The following ATP2B3 variants were observed in gnomAD, a reference collection of about 807,000 sequenced individuals.
The protein encoded by ATP2B3 is ATPase plasma membrane Ca2+ transporting 3, also known as plasma membrane calcium-transporting ATPase 3.
In ATP2B3, 12 loss-of-function variants were observed where a neutral mutation model predicts 70.8. That is an observed-to-expected ratio of 0.17 (90% CI 0.11 to 0.27). ATP2B3 has a LOEUF of 0.27. ATP2B3 is among the 10% of genes least tolerant of loss of function. The pLI, the probability that ATP2B3 is intolerant of heterozygous loss-of-function variation, is 1.00. For missense variants in ATP2B3, 858 were observed against 1,118.5 expected (o/e 0.77, Z 3.32); for synonymous variants, 460 against 497.8 (o/e 0.92, Z 1.01).
intron 8 of ATP2B3, among the ~76,000 whole-genome samples, chrX:153,547,396 G>C (rs1468783842): frequency 9.0e-6 from 1 of 111,394 alleles, no homozygotes; most frequent in African/African-American, 3.3e-5. Context: ...TGGCTGGTGG[G>C]AGGAGAGTGC....
intron 1 of ATP2B3, among the ~76,000 whole-genome samples, chrX:153,518,105 C>G (rs1339595371): frequency 8.9e-6 from 1 of 111,998 alleles, no homozygotes; most frequent in Non-Finnish European, 1.9e-5. Flanking sequence ...CGCCCCGCAC[C>G]CTGCACCCTG....
At chrX:153,539,704 C>T (rs1354359284) in intron 3 of ATP2B3, among the ~76,000 whole-genome samples, 1 of 113,103 alleles carries the variant, frequency 8.8e-6, no homozygotes, top group African/African-American at 3.2e-5. Flanking sequence ...CGCGACAGCA[C>T]TGGGCGCCGG....
At chrX:153,529,250 G>A (rs2090078167) in intron 2 of ATP2B3, among the ~76,000 whole-genome samples, 1 of 112,072 alleles carries the variant, frequency 8.9e-6, no homozygotes, top group Non-Finnish European at 1.9e-5. Context: ...CTGCTCCTGT[G>A]CCACCAAATA....
rs782313515 is a variant in ATP2B3 at position 153,569,733 on chromosome X, C to T, written c.3342+4630C>T. On this transcript the variant is annotated intron_variant, in intron 21 of 21. Coordinates refer to ENST00000263519, the MANE Select transcript of ATP2B3 (RefSeq NM_001001344.3). ...CCTACTCACGCAATTCTCTCTGCTG[C>T]CAATCCTACCAGTGCTGCTGGGAGT... 4.1e-6 allele frequency: 5 copies of T among 1,209,307 alleles called. No homozygotes were observed. In the African/African-American group the frequency reaches 8.8e-5, roughly 21 times the overall value.
Position 153,551,395 on chromosome X carries a change from G to T in ATP2B3, c.1823+1109G>T, listed in dbSNP as rs369080289. Reference sequence around the variant, plus strand: ...GGGGAAATGTCTGTCCTAGCCCTTTGCTCATTGCTGAGTTGGGTTGTTTGT... The same window carrying T: ...GGGGAAATGTCTGTCCTAGCCCTTTTCTCATTGCTGAGTTGGGTTGTTTGT... On this transcript the variant is annotated intron_variant, in intron 12 of 21. Transcript: ENST00000263519. Among the ~76,000 whole-genome samples, 39 of 112,077 alleles carry T rather than the reference G, an allele frequency of 3.5e-4. No homozygotes were observed. In the South Asian group the frequency reaches 0.013, roughly 37 times the overall value.
In ATP2B3 at chrX:153,553,079, G is replaced by C. The variant is rs138987562; in HGVS notation, c.1868G>C (p.Arg623Pro). The part of the protein sequence containing the change: ...LNSNGELRGF[R>P]PRDRDDMVRK... ...AGCAATGGCGAACTCCGGGGCTTTC[G>C]GCCTCGGGACCGGGACGACATGGTG... is the stretch of plus-strand genomic sequence containing the variant. The change falls in exon 13 of 22, where the codon CGG becomes CCG. Residue 623 changes from arginine to proline, a missense_variant. Transcript: ENST00000263519. The C allele has an allele frequency of 8.3e-7, 1 of 1,208,022 alleles. No individual in the cohort carries two copies. Among genetic ancestry groups the C allele is most frequent in the Non-Finnish European group, 1.1e-6 (1 of 892,377 alleles).
intron 2 of ATP2B3, among the ~76,000 whole-genome samples, chrX:153,526,582 A>G (rs1204659551): frequency 8.9e-6 from 1 of 112,310 alleles, no homozygotes; most frequent in Non-Finnish European, 1.9e-5. Flanking sequence ...CGATTCAGAC[A>G]GCAGCCAAGC....
chrX:153,543,655 G>C (rs782597078), intron 7 of ATP2B3, among the ~76,000 whole-genome samples: 1 of 112,973 alleles, frequency 8.9e-6, no homozygotes, highest in Non-Finnish European at 1.9e-5. Flanking sequence ...AGGCAAGCCC[G>C]AGCCAGGAGG....
intron 21 of ATP2B3, among the ~76,000 whole-genome samples, chrX:153,575,283 C>T (rs1471639176): frequency 8.9e-6 from 1 of 112,796 alleles, no homozygotes; most frequent in Non-Finnish European, 1.9e-5. Flanking sequence ...GCGAGCCAGA[C>T]AGACAGACCC....
At chrX:153,549,355 C>A in intron 10 of ATP2B3, 142 bp from the exon 11 acceptor site, 1 of 1,116,373 alleles carries the variant, frequency 9.0e-7, no homozygotes, top group Admixed American at 2.4e-5. Context: ...TGGCTCAGGG[C>A]TGACCAGGTG....
chrX:153,534,979 C>T (rs782639035), intron 2 of ATP2B3, among the ~76,000 whole-genome samples: 172 of 112,601 alleles, frequency 1.5e-3, no homozygotes, highest in African/African-American at 5.2e-3. Context: ...TCCCCAGAGA[C>T]GGGGGTTCAG....
intron 3 of ATP2B3, among the ~76,000 whole-genome samples, 183 bp downstream of exon 3, chrX:153,536,638 C>T (rs782108207): frequency 1.2e-4 from 14 of 112,350 alleles, no homozygotes; most frequent in Non-Finnish European, 2.4e-4. Flanking sequence ...ATCTCCACAC[C>T]TCCACAATCA....
rs781787097 is a variant in ATP2B3 at position 153,537,598 on chromosome X, T to C, written c.208+1143T>C. Among the ~76,000 whole-genome samples the C allele has an allele frequency of 8.8e-5, 10 of 113,076 alleles. No individual in the cohort carries two copies. The South Asian group carries it at 3.6e-3, about 41-fold the overall frequency. On this transcript the variant is annotated intron_variant, in intron 3 of 21. Coordinates refer to ENST00000263519, the MANE Select transcript of ATP2B3 (RefSeq NM_001001344.3). Reference sequence around the variant, plus strand: ...GGGTCTGCCTGGGTCTCCCTAGCTTTGTGCCCTGGAGCTGATGCGCCCGTG... The same window carrying C: ...GGGTCTGCCTGGGTCTCCCTAGCTTCGTGCCCTGGAGCTGATGCGCCCGTG...
At chrX:153,526,197 C>A (rs141534313) in intron 2 of ATP2B3, among the ~76,000 whole-genome samples, 69 of 112,564 alleles carry the variant, frequency 6.1e-4, no homozygotes, top group Non-Finnish European at 1.2e-3. Flanking sequence ...TGTGCTCTCC[C>A]GGTGCCTTCC....
chrX:153,572,160 G>A (rs1007117218), intron 21 of ATP2B3, among the ~76,000 whole-genome samples: 2 of 112,808 alleles, frequency 1.8e-5, no homozygotes. Context: ...TAGCACCAGC[G>A]CCCACCCTCT....
chrX:153,540,412 G>A (rs947969991), intron 3 of ATP2B3, among the ~76,000 whole-genome samples: 2 of 111,916 alleles, frequency 1.8e-5, no homozygotes, highest in Non-Finnish European at 3.8e-5. Context: ...CTCTCTCCTC[G>A]CGTGACACCG....
chrX:153,558,307 G>C lies in ATP2B3; in HGVS notation c.2625+4G>C. ...CACAGGTGCCTGCATTACTCAGGTG[G>C]GTACTGGGGGCTGCCATGCCCCAGC... On this transcript the variant is annotated splice_donor_region_variant and intron_variant, in intron 17 of 21. Transcript: ENST00000263519. 7 of 1,197,395 alleles carry C rather than the reference G, an allele frequency of 5.8e-6. 1 individual carries two copies. The highest frequency in any genetic ancestry group is 5.6e-6 in the Non-Finnish European group (5 of 886,781).
chrX:153,548,035 G>A (rs2090396608), intron 9 of ATP2B3, 36 bp downstream of exon 9: 2 of 1,174,436 alleles, frequency 1.7e-6, no homozygotes, highest in Non-Finnish European at 2.3e-6. Flanking sequence ...CCAGGCCATT[G>A]ACTGGGCGTG....
At chrX:153,545,972 A>T (rs2090359070) in intron 7 of ATP2B3, 116 bp from the exon 8 acceptor site, 5 of 770,261 alleles carry the variant, frequency 6.5e-6, no homozygotes, top group African/African-American at 2.1e-5. Flanking sequence ...CCTGGAGAGG[A>T]CGGGGCATGA....
Sources: gnomAD v4.1 joint callset for allele counts (sites outside exome capture counted in the v4.1 genomes callset) on GRCh38, gnomAD v4.1.1 for gene constraint, MANE v1.5 for transcripts, NCBI Gene and HGNC (gene_info 2026-07-23, HGNC 2026-07-21) for gene names.